The following LRRC39 variants were observed in gnomAD, a reference collection of about 807,000 sequenced individuals.
The protein encoded by LRRC39 is leucine-rich repeat-containing protein 39.
A neutral mutation model predicts 39.7 loss-of-function variants in LRRC39; 35 were observed. The observed-to-expected ratio is 0.88, with a 90% CI of 0.67 to 1.17. LRRC39 has a LOEUF of 1.17. Ranked by LOEUF, LRRC39 falls within the 50% of genes most tolerant of loss-of-function variation. LRRC39 has a pLI of 0.00. For missense variants in LRRC39, 357 were observed against 385.8 expected, an observed-to-expected ratio of 0.93 and a Z score of 0.62; for synonymous variants, 113 against 134.1, an observed-to-expected ratio of 0.84 and a Z score of 1.09.
intron 3 of LRRC39, 81 bp from the exon 4 acceptor site, chr1:100,160,652 TTTCACTC>T: frequency 2.6e-6 from 3 of 1,135,910 alleles, no homozygotes; most frequent in Non-Finnish European, 3.8e-6. Flanking sequence ...AGAGAGAGAG[TTTCACTC>T]TTTTGCCCAG....
intron 9 of LRRC39, among the ~76,000 whole-genome samples, chr1:100,151,365 TC>T (rs1657998229): frequency 1.3e-5 from 2 of 152,060 alleles, no homozygotes; most frequent in Non-Finnish European, 2.9e-5. Flanking sequence ...CAAAACTAGG[TC>T]ACAATTATGA....
Position 100,160,518 on chromosome 1 carries a change from A to T in LRRC39, c.167T>A (p.Val56Asp), listed in dbSNP as rs1270432144. 2 of 1,613,640 alleles carry T rather than the reference A, an allele frequency of 1.2e-6. No homozygotes were observed. Among genetic ancestry groups the T allele is most frequent in the Non-Finnish European group, 1.7e-6 (2 of 1,179,874 alleles). The change falls in exon 4 of 10, where the codon GTC becomes GAC. Residue 56 changes from valine (V) to aspartate (D), a missense_variant. By Grantham distance (152) the Val-to-Asp change is radical. Transcript: ENST00000370137. ...AATGACTCTTCCATCTTCCCTGGTG[A>T]CCTTTTCTCTTAGCTTGGTTAAGCT... is the stretch of plus-strand genomic sequence containing the variant. ...RVSLTKLREK[V>D]TREDGRVILK...
chr1:100,177,062 A>G (rs1176514814), intron 1 of LRRC39, among the ~76,000 whole-genome samples: 2 of 152,224 alleles, frequency 1.3e-5, no homozygotes, highest in Non-Finnish European at 2.9e-5. Context: ...ATCAAGAGAG[A>G]AGCTAAAAAT....
intron 3 of LRRC39, among the ~76,000 whole-genome samples, chr1:100,167,286 C>T (rs1476738083): frequency 2.0e-5 from 3 of 151,762 alleles, no homozygotes; most frequent in Non-Finnish European, 4.4e-5. Context: ...GAAGCTAATC[C>T]GAGGATCAGA....
Position 100,155,083 on chromosome 1 carries a change from A to C in LRRC39, c.780T>G (p.Ile260Met). ...TTGCCATTTCTTCCATGCATACTGG[A>C]ATATCTTGCAGTTTATTGTTGCTGA... ...LVLSNNKLQD[I>M]PVCMEEMANL... The change falls in exon 8 of 10, where the codon ATT becomes ATG. Residue 260 changes from isoleucine (I) to methionine (M), a missense_variant. Ile to Met is a conservative substitution (Grantham distance 10, BLOSUM62 1). Coordinates refer to ENST00000370137, the MANE Select transcript of LRRC39 (RefSeq NM_144620.4). 1 of 1,600,684 alleles carries C rather than the reference A, an allele frequency of 6.2e-7. No homozygotes were observed. Among genetic ancestry groups the C allele is most frequent in the Non-Finnish European group, 8.5e-7 (1 of 1,175,720 alleles).
At chr1:100,179,478 AGAGT>A (rs1462954768), upstream of LRRC39, among the ~76,000 whole-genome samples, 23 of 120,598 alleles carry the variant, frequency 1.9e-4, no homozygotes, top group Admixed American at 5.8e-4. Flanking sequence ...CCTGAGCAAC[AGAGT>A]GAGACCCTGT....
chr1:100,166,369 G>A (rs1397334727), intron 3 of LRRC39, among the ~76,000 whole-genome samples: 3 of 152,154 alleles, frequency 2.0e-5, no homozygotes, highest in African/African-American at 7.2e-5. Context: ...GAAAATGTGG[G>A]AAAGTTTGGA....
intron 6 of LRRC39, among the ~76,000 whole-genome samples, chr1:100,157,015 A>G (rs1010781541): frequency 6.6e-6 from 1 of 152,138 alleles, no homozygotes; most frequent in Admixed American, 6.5e-5. Flanking sequence ...GACTGTACAA[A>G]ATCACATAGC....
chr1:100,172,959 C>CAA (rs35628050), intron 2 of LRRC39, among the ~76,000 whole-genome samples: 2,910 of 106,712 alleles, frequency 0.027, 122 homozygotes, highest in African/African-American at 0.086. Flanking sequence ...GACTCTGTCT[C>CAA]AAAAAAAAAA....
In LRRC39 at chr1:100,160,354, T is replaced by C. The variant is rs993787558; in HGVS notation, c.219+112A>G. ...TTGCTCAAATTCATTTGGTGTATTA[T>C]TAAAATTAGTTTCTAACTATTCTAG... On this transcript the variant is annotated intron_variant, in intron 4 of 9. Transcript: ENST00000370137. 3 of 646,320 alleles carry C rather than the reference T, an allele frequency of 4.6e-6. No individual in the cohort carries two copies. The East Asian group carries it at 8.9e-5, about 19-fold the overall frequency. 40.0% of individuals were successfully genotyped at this position (646,320 alleles called of 1,614,324 possible).
At chr1:100,168,988 A>C (rs181639133) in intron 2 of LRRC39, among the ~76,000 whole-genome samples, 23 of 152,202 alleles carry the variant, frequency 1.5e-4, no homozygotes, top group Admixed American at 1.1e-3. Flanking sequence ...CACCATATGC[A>C]CAAGTAGAAA....
chr1:100,171,892 A>G (rs970416880), intron 2 of LRRC39, among the ~76,000 whole-genome samples: 2 of 152,132 alleles, frequency 1.3e-5, no homozygotes, highest in Non-Finnish European at 2.9e-5. Flanking sequence ...CAAAAATACC[A>G]CAAATCAAAG....
chr1:100,148,772 G>C lies in LRRC39; in HGVS notation c.*270C>G. 1 of 1,557,888 alleles carries C rather than the reference G, an allele frequency of 6.4e-7. No homozygotes were observed. Among genetic ancestry groups the C allele is most frequent in the Middle Eastern group, 1.7e-4 (1 of 5,940 alleles). On this transcript the variant is annotated 3_prime_UTR_variant, in exon 10 of 10. Transcript: ENST00000370137. ...CTCTGGTGTCTTTGGAAAATGTTTT[G>C]TTAACTGCTTTACCAAATCATTCTT... is the stretch of plus-strand genomic sequence containing the variant.
intron 3 of LRRC39, 133 bp downstream of exon 3, chr1:100,168,271 A>T (rs1211407069): frequency 1.4e-6 from 1 of 692,646 alleles, no homozygotes; most frequent in Non-Finnish European, 2.3e-6. Flanking sequence ...TGTTTTCTTT[A>T]AGTATATTTT....
intron 3 of LRRC39, among the ~76,000 whole-genome samples, chr1:100,168,146 T>C (rs541828566): frequency 4.6e-5 from 7 of 152,242 alleles, no homozygotes; most frequent in African/African-American, 1.7e-4. Flanking sequence ...TATATGATAC[T>C]AATCAAACTT....
Position 100,168,425 on chromosome 1 carries a change from C to A in LRRC39, c.92G>T (p.Arg31Leu), listed in dbSNP as rs370508235. The A allele has an allele frequency of 4.3e-6, 7 of 1,609,500 alleles. No homozygotes were observed. Among genetic ancestry groups the A allele is most frequent in the Non-Finnish European group, 5.1e-6 (6 of 1,178,666 alleles). Reference sequence around the variant, plus strand: ...ATACTTGTGTTGAAATTCCTTCTCTCGCTTCAGGTCTTCATTGAGTTTCTT... The same window carrying A: ...ATACTTGTGTTGAAATTCCTTCTCTAGCTTCAGGTCTTCATTGAGTTTCTT... ...RIKKLNEDLK[R>L]EKEFQHKLVR... is the part of the protein sequence containing the mutation. Residue 31 changes from arginine to leucine, a missense_variant, in exon 3 of 10, where the codon CGA (arginine) becomes CTA (leucine). Physicochemically the swap from Arg to Leu is moderately radical, Grantham distance 102. Transcript: ENST00000370137.
intron 5 of LRRC39, 149 bp from the exon 6 acceptor site, chr1:100,158,516 C>A (rs1461538719): frequency 1.8e-6 from 1 of 569,946 alleles, no homozygotes; most frequent in Non-Finnish European, 2.8e-6. Flanking sequence ...CGGCTCACTG[C>A]AAGCTCCGCC....
At chr1:100,167,814 TAATAA>T (rs1659350260) in intron 3 of LRRC39, among the ~76,000 whole-genome samples, 1 of 146,708 alleles carries the variant, frequency 6.8e-6, no homozygotes, top group Non-Finnish European at 1.5e-5. Context: ...ATAATAATAA[TAATAA>T]TAATAATGAT....
chr1:100,176,034 T>C (rs191904054), intron 1 of LRRC39, among the ~76,000 whole-genome samples: 3 of 152,228 alleles, frequency 2.0e-5, no homozygotes, highest in South Asian at 2.1e-4. Flanking sequence ...TTCAAAGGTA[T>C]GTACCTAGAG....
Sources: gnomAD v4.1 joint callset for allele counts (sites outside exome capture counted in the v4.1 genomes callset) on GRCh38, gnomAD v4.1.1 for gene constraint, MANE v1.5 for transcripts, NCBI Gene and HGNC (gene_info 2026-07-23, HGNC 2026-07-21) for gene names.